The following NHLRC3 variants were observed in gnomAD, a reference collection of about 807,000 sequenced individuals.
NHLRC3 encodes NHL repeat containing 3, also known as NHL repeat-containing protein 3.
Under a neutral mutation model 32.0 loss-of-function variants are expected in NHLRC3, and 23 were observed. The observed-to-expected ratio is 0.72, with a 90% CI of 0.52 to 1.02. NHLRC3 has a LOEUF of 1.02. Ranked by LOEUF, NHLRC3 falls within the 50% of genes least tolerant of loss-of-function variation. The pLI is 0.00. For missense variants in NHLRC3, 407 were observed against 406.8 expected, an observed-to-expected ratio of 1.00 and a Z score of -0.01; for synonymous variants, 159 against 147.9, an observed-to-expected ratio of 1.08 and a Z score of -0.55.
chr13:39,047,201 G>C (rs778463812), intron 6 of NHLRC3, 49 bp downstream of exon 6: 26 of 1,019,358 alleles, frequency 2.6e-5, no homozygotes, highest in Non-Finnish European at 3.8e-5. Flanking sequence ...TAGTGTATGT[G>C]TCTCACTTCC....
At position 39,047,942 on chromosome 13, in the gene NHLRC3, A is replaced by T; in HGVS notation, c.*16A>T. 1 of 1,573,758 alleles carries T rather than the reference A, an allele frequency of 6.4e-7. No individual in the cohort carries two copies. The highest frequency in any genetic ancestry group is 8.7e-7 in the Non-Finnish European group (1 of 1,150,086). The stretch of plus-strand genomic sequence containing the variant: ...TGGTTCATAATGTTTCTTTCCTGGG[A>T]ATATTTCAAGTGGCAGTTCAGATTC... On this transcript the variant is annotated 3_prime_UTR_variant, in exon 7 of 7. Transcript: ENST00000379600.
chr13:39,047,139 CCTT>C lies in NHLRC3; in HGVS notation c.783_785del (p.Ser262del), dbSNP rs771793042. 20 of 1,588,572 alleles carry C rather than the reference CCTT, an allele frequency of 1.3e-5. No individual in the cohort carries two copies. Among genetic ancestry groups the C allele is most frequent in the Non-Finnish European group, 1.6e-5 (19 of 1,158,698 alleles). On this transcript the variant is annotated inframe_deletion, in exon 6 of 7. Coordinates refer to ENST00000379600, the MANE Select transcript of NHLRC3 (RefSeq NM_001012754.4). ...GAATAATTGTTTCACAGAAGAGGGA[CCTT>C]CTTCAGTCAGGTAATTGTTTCATTT...
chr13:39,038,822 C>G, intron 1 of NHLRC3, 99 bp downstream of exon 1: 1 of 997,280 alleles, frequency 1.0e-6, no homozygotes, highest in Non-Finnish European at 1.6e-6. Flanking sequence ...CCCTGGTTCC[C>G]TCAGTAGCTT....
Position 39,047,787 on chromosome 13 carries a change from T to C in NHLRC3, c.905T>C (p.Ile302Thr). ...GGGGAGTGTTCTGTGATCAGCACAA[T>C]CCAACTAGCAGATCAAGTTTTGCCA... ...SIGECSVISTIQLADQVLPHL... is the reference protein window; with the variant it reads ...SIGECSVISTTQLADQVLPHL... The change falls in exon 7 of 7, where the codon ATC becomes ACC. Residue 302 changes from isoleucine to threonine, a missense_variant. Coordinates refer to ENST00000379600, the MANE Select transcript of NHLRC3 (RefSeq NM_001012754.4). The C allele has an allele frequency of 1.2e-6, 2 of 1,614,144 alleles. No homozygotes were observed. Among genetic ancestry groups the C allele is most frequent in the Non-Finnish European group, 1.7e-6 (2 of 1,180,022 alleles).
chr13:39,044,277 GTATA>G (rs1315938744), intron 5 of NHLRC3, 96 bp downstream of exon 5: 1 of 846,966 alleles, frequency 1.2e-6, no homozygotes, highest in African/African-American at 1.7e-5. Context: ...GTCTGGGCAT[GTATA>G]TATAGATTGT....
intron 1 of NHLRC3, 69 bp from the exon 2 acceptor site, chr13:39,039,067 G>T: frequency 7.9e-6 from 5 of 629,254 alleles, no homozygotes; most frequent in East Asian, 3.0e-5. Flanking sequence ...CTGTTACCCG[G>T]CCCCCCCGCC....
At chr13:39,038,927 T>C (rs1246263638) in intron 1 of NHLRC3, 4 of 636,928 alleles carry the variant, frequency 6.3e-6, no homozygotes, top group Non-Finnish European at 1.1e-5. Context: ...TCCCAACTCT[T>C]ACTACATCCT....
Position 39,038,588 on chromosome 13 carries a change from G to T in NHLRC3, c.-52G>T, listed in dbSNP as rs932516100. The T allele has an allele frequency of 1.3e-6, 2 of 1,499,276 alleles. No individual in the cohort carries two copies. Among genetic ancestry groups the T allele is most frequent in the African/African-American group, 2.8e-5 (2 of 72,586 alleles). 92.9% of individuals were successfully genotyped at this position (1,499,276 alleles called of 1,614,324 possible). ...AACCGTTGCAGCCTGAGGCTGTCAG[G>T]TCCTCCCCCAGACACCTGCGGACCC... is the stretch of plus-strand genomic sequence containing the variant. On this transcript the variant is annotated 5_prime_UTR_variant, in exon 1 of 7. Transcript: ENST00000379600.
chr13:39,039,088 T>A, intron 1 of NHLRC3, 48 bp from the exon 2 acceptor site: 1 of 1,324,184 alleles, frequency 7.6e-7, no homozygotes, highest in South Asian at 1.3e-5. Context: ...CTTTTTTTGT[T>A]CTTACCTAGA....
In NHLRC3 at chr13:39,047,063, TA is replaced by T; in HGVS notation, c.706del (p.Arg236GlufsTer13). 6.2e-7 allele frequency: 1 copy of T among 1,612,248 alleles called. No homozygotes were observed. Among genetic ancestry groups the T allele is most frequent in the Non-Finnish European group, 8.5e-7 (1 of 1,178,828 alleles). On this transcript the variant is annotated frameshift_variant, in exon 6 of 7. Coordinates refer to ENST00000379600, the MANE Select transcript of NHLRC3 (RefSeq NM_001012754.4). LOFTEE classifies it high-confidence loss of function. Reference sequence around the variant, plus strand: ...AGGTGTGGGTTGCTGACCGAGGAAATAAAAGAATCCAAGTATTTGATAAAGA... The same window carrying T: ...AGGTGTGGGTTGCTGACCGAGGAAATAAAGAATCCAAGTATTTGATAAAGA... ...GRVWVADRGNKRIQVFDKDTG... is the reference protein window; with the variant it reads ...GRVWVADRGNXRIQVFDKDTG...
chr13:39,039,288 AG>A lies in NHLRC3; in HGVS notation c.237+1del. ...TCAATGGATTGGTTTACATAGGTCA[AG>A]TAAGTAAATAGAGATTTAAAAAAAT... On this transcript the variant is annotated splice_donor_variant, in intron 2 of 6. Transcript: ENST00000379600. LOFTEE classifies it high-confidence loss of function. 1 of 1,609,918 alleles carries A rather than the reference AG, an allele frequency of 6.2e-7. No individual in the cohort carries two copies.
Position 39,047,802 on chromosome 13 carries a change from A to G in NHLRC3, c.920A>G (p.Gln307Arg). 1.2e-6 allele frequency: 2 copies of G among 1,613,872 alleles called. No homozygotes were observed. Among genetic ancestry groups the G allele is most frequent in the Middle Eastern group, 1.6e-4 (1 of 6,062 alleles). The change falls in exon 7 of 7, where the codon CAA (glutamine) becomes CGA (arginine). Residue 307 changes from glutamine to arginine, a missense_variant. By Grantham distance (43) the Gln-to-Arg change is conservative (BLOSUM62 1). Coordinates refer to ENST00000379600, the MANE Select transcript of NHLRC3 (RefSeq NM_001012754.4). ...ATCAGCACAATCCAACTAGCAGATC[A>G]AGTTTTGCCACATCTCCTAGAAGTC... ...SVISTIQLAD[Q>R]VLPHLLEVDR...
chr13:39,047,767 G>GTGTT lies in NHLRC3; in HGVS notation c.886_889dup (p.Ser297LeufsTer45). 6.2e-7 allele frequency: 1 copy of GTGTT among 1,614,130 alleles called. No individual in the cohort carries two copies. Among genetic ancestry groups the GTGTT allele is most frequent in the Non-Finnish European group, 8.5e-7 (1 of 1,179,948 alleles). On this transcript the variant is annotated frameshift_variant, in exon 7 of 7. Transcript: ENST00000379600. LOFTEE classifies it low-confidence loss of function (END_TRUNC). The stretch of plus-strand genomic sequence containing the variant: ...CACCCCCAGTGGGAAGCATTGGGGA[G>GTGTT]TGTTCTGTGATCAGCACAATCCAAC...
intron 3 of NHLRC3, 188 bp from the exon 4 acceptor site, chr13:39,041,913 TTTAA>T (rs1240465027): frequency 3.8e-6 from 2 of 530,400 alleles, no homozygotes; most frequent in African/African-American, 3.8e-5. Flanking sequence ...TAATGGAGAT[TTTAA>T]TTCGTGATCA....
chr13:39,039,154 T>G lies in NHLRC3; in HGVS notation c.103T>G (p.Phe35Val), dbSNP rs754957131. 9 of 1,613,936 alleles carry G rather than the reference T, an allele frequency of 5.6e-6. No homozygotes were observed. The South Asian group carries it at 9.9e-5, about 18-fold the overall frequency. ...CGSPVLRNFTFAVSWRTEKIL... is the reference protein window; with the variant it reads ...CGSPVLRNFTVAVSWRTEKIL... ...GTTTAAGGTTTTGAGGAACTTTACT[T>G]TTGCAGTTTCCTGGAGAACTGAGAA... Residue 35 changes from phenylalanine (F) to valine (V), a missense_variant, in exon 2 of 7, where the codon TTT becomes GTT. Physicochemically the swap from Phe to Val is conservative, Grantham distance 50. Transcript: ENST00000379600.
At chr13:39,046,145 A>G (rs899183784) in intron 5 of NHLRC3, among the ~76,000 whole-genome samples, 11 of 152,040 alleles carry the variant, frequency 7.2e-5, no homozygotes, top group South Asian at 2.1e-4. Flanking sequence ...GTGAAACCCC[A>G]TCTCTACTAA....
At chr13:39,038,830 C>T in intron 1 of NHLRC3, 107 bp downstream of exon 1, 1 of 957,122 alleles carries the variant, frequency 1.0e-6, no homozygotes, top group South Asian at 1.3e-5. Context: ...CCCTCAGTAG[C>T]TTGTCTCAAA....
Position 39,038,546 on chromosome 13 carries a change from C to A in NHLRC3, c.-94C>A. The A allele has an allele frequency of 9.5e-7, 1 of 1,057,970 alleles. No individual in the cohort carries two copies. Among genetic ancestry groups the A allele is most frequent in the Non-Finnish European group, 1.5e-6 (1 of 675,190 alleles). The allele number at this position is 1,057,970 out of a possible 1,614,324, so 65.5% of individuals were successfully genotyped here. On this transcript the variant is annotated 5_prime_UTR_variant, in exon 1 of 7. Transcript: ENST00000379600. ...ATAGGGTCTTCGGGCCCCGGGCAGA[C>A]CCTCTGTGCCGCTGCAAACCGTTGC... is the stretch of plus-strand genomic sequence containing the variant.
Position 39,048,550 on chromosome 13 carries a change from CAGG to C in NHLRC3, c.*627_*629del, listed in dbSNP as rs1300646675. ...GACTGAGGGAATCATGGATACTTCG[CAGG>C]AGAAGTGAATTTGAGCTCAGACTTG... On this transcript the variant is annotated 3_prime_UTR_variant, in exon 7 of 7. Coordinates refer to ENST00000379600, the MANE Select transcript of NHLRC3 (RefSeq NM_001012754.4). 1 of 152,104 alleles carries C rather than the reference CAGG, an allele frequency of 6.6e-6. No homozygotes were observed. Among genetic ancestry groups the C allele is most frequent in the African/African-American group, 2.4e-5 (1 of 41,404 alleles). 9.4% of individuals were successfully genotyped at this position (152,104 alleles called of 1,614,324 possible).
Sources: allele counts gnomAD v4.1 joint callset (sites outside exome capture counted in the v4.1 genomes callset), GRCh38; gene constraint gnomAD v4.1.1; transcripts MANE v1.5; gene names NCBI Gene and HGNC (gene_info 2026-07-23, HGNC 2026-07-21).